Variants in KIF26B observed in about 807,000 individuals in gnomAD.
The protein encoded by KIF26B is kinesin-like protein KIF26B.
Under a neutral mutation model 151.2 loss-of-function variants are expected in KIF26B, and 63 were observed. The observed-to-expected ratio is 0.42, with a 90% CI of 0.34 to 0.51. The LOEUF (loss-of-function observed/expected upper bound fraction) is 0.51, where lower values mean the gene tolerates loss of function less well. Among genes scored for constraint, KIF26B ranks in the 20% least tolerant of loss-of-function variants. The pLI is 0.07. For synonymous variants in KIF26B, 1,357 were observed against 1,262.1 expected (o/e 1.08, Z -1.59); for missense variants, 2,813 against 2,913.6 (o/e 0.97, Z 0.79).
Position 245,365,513 on chromosome 1 carries a change from T to TCCC in KIF26B, c.466-1316_466-1314dup, listed in dbSNP as rs528122828. On this transcript the variant is annotated intron_variant, in intron 2 of 14. Transcript: ENST00000407071. ...TCCTGCCCCGTCACTGCCTCACAAC[T>TCCC]CCCCCCCACCAGCCTACAGCTCAGC... Among the ~76,000 whole-genome samples, 953 of 136,632 alleles carry TCCC rather than the reference T, an allele frequency of 7.0e-3. 13 individuals are homozygous for TCCC. Among genetic ancestry groups the TCCC allele is most frequent in the African/African-American group, 0.025 (797 of 31,292 alleles). The allele number at this position is 136,632 out of a possible 152,430, so 89.6% of individuals were successfully genotyped here. A position where few individuals can be genotyped will look rare whatever the true frequency, so the allele number is the denominator to read the frequency against.
At chr1:245,389,931 T>A (rs1021305127) in intron 3 of KIF26B, among the ~76,000 whole-genome samples, 1 of 152,190 alleles carries the variant, frequency 6.6e-6, no homozygotes, top group African/African-American at 2.4e-5. Context: ...TTACAGCAGT[T>A]CTCAAAGTGT....
intron 10 of KIF26B, among the ~76,000 whole-genome samples, chr1:245,665,422 A>G (rs973124821): frequency 4.1e-4 from 62 of 152,204 alleles, no homozygotes; most frequent in African/African-American, 1.4e-3. Flanking sequence ...CTATCATTTC[A>G]TTATTTCAAG....
intron 4 of KIF26B, among the ~76,000 whole-genome samples, chr1:245,491,541 A>C (rs548054184): frequency 2.7e-4 from 41 of 152,314 alleles, no homozygotes; most frequent in African/African-American, 9.6e-4. Context: ...CCTGAGCGGG[A>C]AACACTGGCC....
intron 5 of KIF26B, among the ~76,000 whole-genome samples, chr1:245,580,605 G>T (rs1384163382): frequency 6.6e-6 from 1 of 152,188 alleles, no homozygotes; most frequent in Non-Finnish European, 1.5e-5. Context: ...GGGCAAGGGG[G>T]TTCTGCTGAT....
Position 245,376,908 on chromosome 1 carries a change from G to A in KIF26B, c.999+9541G>A, listed in dbSNP as rs555865190. On this transcript the variant is annotated intron_variant, in intron 3 of 14. Transcript: ENST00000407071. ...TCACCATGTTGGCCAGGATGGTCTCGAACTCCTGACCTCAGGTGATCTGCC... is the reference window on the plus strand; with the variant it reads ...TCACCATGTTGGCCAGGATGGTCTCAAACTCCTGACCTCAGGTGATCTGCC... Among the ~76,000 whole-genome samples the A allele has an allele frequency of 5.1e-3, 771 of 151,896 alleles. 9 individuals are homozygous for A. The highest frequency in any genetic ancestry group is 0.024 in the Admixed American group (363 of 15,264).
chr1:245,172,216 T>TGGG (rs150694892), intron 2 of KIF26B, among the ~76,000 whole-genome samples: 3 of 151,306 alleles, frequency 2.0e-5, no homozygotes, highest in African/African-American at 7.3e-5. Context: ...CCCAGTCTGG[T>TGGG]GGGGGGGGTG....
chr1:245,602,552 G>T lies in KIF26B; in HGVS notation c.1351-25G>T, dbSNP rs746330068. ...AAAACACCCAGCTGTCTTCATCCAT[G>T]CTGTCGCCCATCTTTTCTTAACAGG... is the stretch of plus-strand genomic sequence containing the variant. On this transcript the variant is annotated intron_variant, in intron 5 of 14. Coordinates refer to ENST00000407071, the MANE Select transcript of KIF26B (RefSeq NM_018012.4). The surrounding 1 kb of genome is among the most constrained non-coding windows in gnomAD (Gnocchi z 4.5). 12 of 1,577,612 alleles carry T rather than the reference G, an allele frequency of 7.6e-6. No individual in the cohort carries two copies. In the Admixed American group the frequency reaches 2.2e-4, roughly 29 times the overall value.
At chr1:245,574,390 C>T (rs185179125) in intron 5 of KIF26B, among the ~76,000 whole-genome samples, 4 of 152,216 alleles carry the variant, frequency 2.6e-5, no homozygotes, top group Admixed American at 6.5e-5. Flanking sequence ...GTGGTCTGCC[C>T]GCCTCGACCT....
chr1:245,629,327 C>T (rs1252374398), intron 9 of KIF26B, among the ~76,000 whole-genome samples: 2 of 152,058 alleles, frequency 1.3e-5, no homozygotes, highest in East Asian at 1.9e-4. Context: ...GGAGGCATCA[C>T]GCTACCTGAC....
chr1:245,549,565 C>T lies in KIF26B; in HGVS notation c.1350+8615C>T, dbSNP rs191003801. 9.0e-4 allele frequency among the ~76,000 whole-genome samples: 137 copies of T among 152,080 alleles called. 3 individuals carry two copies. In the East Asian group the frequency reaches 0.024, roughly 26 times the overall value. On this transcript the variant is annotated intron_variant, in intron 5 of 14. Coordinates refer to ENST00000407071, the MANE Select transcript of KIF26B (RefSeq NM_018012.4). The stretch of plus-strand genomic sequence containing the variant: ...TTAAGCATGATTTGTTATAATTATC[C>T]CATTAAAATGGGATCGATAGAAATA...
chr1:245,559,977 G>C (rs1380979780), intron 5 of KIF26B, among the ~76,000 whole-genome samples: 1 of 151,522 alleles, frequency 6.6e-6, no homozygotes, highest in Non-Finnish European at 1.5e-5. Flanking sequence ...GTGCCTCCCT[G>C]TCTGTTCATC....
At position 245,686,537 on chromosome 1, in the gene KIF26B, A is replaced by G; in HGVS notation, c.3554A>G (p.Glu1185Gly). The change falls in exon 12 of 15, where the codon GAG becomes GGG. Residue 1185 changes from glutamate (E) to glycine (G), a missense_variant. Glu to Gly is a moderately conservative substitution (Grantham distance 98). Transcript: ENST00000407071. The surrounding 1 kb of genome is among the most constrained non-coding windows in gnomAD (Gnocchi z 5.6). ...CAGCAGCCACTGGAGCTGAACGGTG[A>G]GGACGAGCTGGTGTTCACGCTGGTG... ...TVQQPLELNG[E>G]DELVFTLVEE... 6.2e-7 allele frequency: 1 copy of G among 1,613,112 alleles called. No homozygotes were observed. The highest frequency in any genetic ancestry group is 8.5e-7 in the Non-Finnish European group (1 of 1,179,772).
chr1:245,366,734 T>C, intron 2 of KIF26B, 100 bp from the exon 3 acceptor site: 2 of 1,137,696 alleles, frequency 1.8e-6, no homozygotes, highest in East Asian at 2.5e-5. Flanking sequence ...TCCAACTCTT[T>C]GAGTACGTCT....
In KIF26B at chr1:245,688,556, G is replaced by A; in HGVS notation, c.5573G>A (p.Arg1858Gln). ...CCCTACAGCAAGATCACGCCCCCGC[G>A]GAGGCCCCACCGCTGCAGCAGCGGC... ...PSPYSKITPP[R>Q]RPHRCSSGHG... The change falls in exon 12 of 15, where the codon CGG (arginine) becomes CAG (glutamine). Residue 1858 changes from arginine to glutamine, a missense_variant. Coordinates refer to ENST00000407071, the MANE Select transcript of KIF26B (RefSeq NM_018012.4). The A allele has an allele frequency of 6.5e-6, 10 of 1,547,690 alleles. No homozygotes were observed. Among genetic ancestry groups the A allele is most frequent in the Non-Finnish European group, 8.7e-6 (10 of 1,149,312 alleles).
At chr1:245,623,545 A>C (rs141110123) in intron 9 of KIF26B, among the ~76,000 whole-genome samples, 7 of 152,320 alleles carry the variant, frequency 4.6e-5, no homozygotes, top group African/African-American at 1.7e-4. Flanking sequence ...AAAGTACTAA[A>C]GGTTGAGCAT....
Position 245,350,051 on chromosome 1 carries a change from A to ATT in KIF26B, c.466-16775_466-16774dup, listed in dbSNP as rs533030014. Among the ~76,000 whole-genome samples the ATT allele has an allele frequency of 8.9e-3, 1,262 of 141,160 alleles. 14 individuals carry two copies. The highest frequency in any genetic ancestry group is 0.045 in the East Asian group (136 of 3,020). The allele number at this position is 141,160 out of a possible 152,430, so 92.6% of individuals were successfully genotyped here. On this transcript the variant is annotated intron_variant, in intron 2 of 14. Transcript: ENST00000407071. ...AAGTGCAGAGAGTATATATATATAT[A>ATT]TTTTTTTTTCATAAATACTTGCACA...
intron 10 of KIF26B, among the ~76,000 whole-genome samples, chr1:245,674,476 A>G (rs1179636735): frequency 1.3e-5 from 2 of 152,214 alleles, no homozygotes; most frequent in African/African-American, 2.4e-5. Flanking sequence ...GGGTCTTATT[A>G]CCGAATCTTT....
chr1:245,621,160 A>G (rs142653498), intron 9 of KIF26B, among the ~76,000 whole-genome samples: 2,002 of 152,338 alleles, frequency 0.013, 25 homozygotes, highest in Admixed American at 0.022. Flanking sequence ...TTCTTGAAAG[A>G]TTCCAGGGTG....
intron 2 of KIF26B, among the ~76,000 whole-genome samples, chr1:245,197,912 A>G (rs1669222800): frequency 6.6e-6 from 1 of 152,224 alleles, no homozygotes; most frequent in Non-Finnish European, 1.5e-5. Context: ...GGAGTTTCAC[A>G]GATGGATTTC....
Sources: gnomAD v4.1 joint callset for allele counts (sites outside exome capture counted in the v4.1 genomes callset) on GRCh38, gnomAD v4.1.1 for gene constraint, Gnocchi (gnomAD v3.1) non-coding constraint, MANE v1.5 for transcripts, NCBI Gene and HGNC (gene_info 2026-07-23, HGNC 2026-07-21) for gene names.